FHIP2A: variants seen among roughly 807,000 people sequenced by gnomAD.
The protein encoded by FHIP2A is FHF complex subunit HOOK interacting protein 2A, also known as family with sequence similarity 160 member B1.
FHIP2A carries 46 observed loss-of-function variants against 93.5 expected under a neutral mutation model. The ratio of observed to expected loss-of-function variants is 0.49; its 90% CI spans 0.39 to 0.63. The LOEUF (loss-of-function observed/expected upper bound fraction) is 0.63. Among genes scored for constraint, FHIP2A ranks in the 20% least tolerant of loss-of-function variants. The pLI is 0.00. For missense variants in FHIP2A, 769 were observed against 909.7 expected (o/e 0.85, Z 1.99); for synonymous variants, 332 against 326.5 (o/e 1.02, Z -0.18).
chr10:114,889,070 G>C (rs568328238), intron 16 of FHIP2A, among the ~76,000 whole-genome samples: 1 of 151,968 alleles, frequency 6.6e-6, no homozygotes, highest in South Asian at 2.1e-4. Context: ...AAGTGCTGAG[G>C]CTGGTCTGAA....
At position 114,836,149 on chromosome 10, in the gene FHIP2A, T is replaced by A. The variant is rs1485292997; in HGVS notation, c.425T>A (p.Val142Asp). ...AAATTAATTAGACTCTGTGGTGAAG[T>A]CCTAGCAACACCAACAGAAAATGAA... is the stretch of plus-strand genomic sequence containing the variant. ...VQKLIRLCGEVLATPTENEEI... is the reference protein window; with the variant it reads ...VQKLIRLCGEDLATPTENEEI... The change falls in exon 5 of 17, where the codon GTC (valine) becomes GAC (aspartate). Residue 142 changes from valine (V) to aspartate (D), a missense_variant. Physicochemically the swap from Val to Asp is radical, Grantham distance 152 (BLOSUM62 -3). Coordinates refer to ENST00000369248, the MANE Select transcript of FHIP2A (RefSeq NM_020940.4). The A allele has an allele frequency of 6.2e-7, 1 of 1,600,520 alleles. No individual in the cohort carries two copies. The highest frequency in any genetic ancestry group is 1.7e-5 in the Admixed American group (1 of 59,914).
At chr10:114,870,555 C>G (rs1366980954) in intron 16 of FHIP2A, among the ~76,000 whole-genome samples, 1 of 152,130 alleles carries the variant, frequency 6.6e-6, no homozygotes, top group Non-Finnish European at 1.5e-5. Context: ...CAGCTAGACA[C>G]ATAAAACACT....
intron 5 of FHIP2A, among the ~76,000 whole-genome samples, chr10:114,839,121 T>C (rs2083653248): frequency 6.6e-6 from 1 of 151,800 alleles, no homozygotes; most frequent in African/African-American, 2.4e-5. Context: ...AGACGCAGCG[T>C]TTTGTTTTTG....
Position 114,863,271 on chromosome 10 carries a change from C to T in FHIP2A, c.*1731C>T. 1.0e-6 allele frequency: 1 copy of T among 983,768 alleles called. No homozygotes were observed. Among genetic ancestry groups the T allele is most frequent in the Non-Finnish European group, 1.2e-6 (1 of 828,554 alleles). 60.9% of individuals were successfully genotyped at this position (983,768 alleles called of 1,614,324 possible). On this transcript the variant is annotated 3_prime_UTR_variant, in exon 17 of 17. Transcript: ENST00000369248. Reference sequence around the variant, plus strand: ...GCTGTATTTTTTTAATCACTTCATACAAGGAAAACTTCGACATTTACATTT... The same window carrying T: ...GCTGTATTTTTTTAATCACTTCATATAAGGAAAACTTCGACATTTACATTT...
chr10:114,882,415 CAG>C (rs1335111799), intron 16 of FHIP2A, among the ~76,000 whole-genome samples: 1 of 152,080 alleles, frequency 6.6e-6, no homozygotes. Flanking sequence ...AAAACAGGCT[CAG>C]AGAGAGGAGA....
At chr10:114,827,690 G>T (rs1192590793) in intron 1 of FHIP2A, among the ~76,000 whole-genome samples, 2 of 151,838 alleles carry the variant, frequency 1.3e-5, no homozygotes, top group Non-Finnish European at 2.9e-5. Context: ...CCAGCTACTC[G>T]GGAGGCTGAG....
intron 1 of FHIP2A, among the ~76,000 whole-genome samples, chr10:114,828,345 C>T (rs888144061): frequency 1.4e-4 from 22 of 152,140 alleles, no homozygotes; most frequent in Admixed American, 1.3e-3. Context: ...GTTTCAATTC[C>T]CTTGAAATAC....
At chr10:114,842,905 A>G in intron 5 of FHIP2A, 28 bp from the exon 6 acceptor site, 1 of 1,462,686 alleles carries the variant, frequency 6.8e-7, no homozygotes. Context: ...ATTGATGTGA[A>G]TTTTATAAAA....
Position 114,863,518 on chromosome 10 carries a change from G to C in FHIP2A, c.*1978G>C, listed in dbSNP as rs2286632. 124,334 of 1,172,430 alleles carry C rather than the reference G, an allele frequency of 0.11. 7,099 individuals carry two copies. Among genetic ancestry groups the C allele is most frequent in the East Asian group, 0.22 (3,369 of 15,604 alleles). 72.6% of individuals were successfully genotyped at this position (1,172,430 alleles called of 1,614,324 possible). A position where few individuals can be genotyped will look rare whatever the true frequency, so the allele number is the denominator to read the frequency against. On this transcript the variant is annotated 3_prime_UTR_variant, in exon 17 of 17. Coordinates refer to ENST00000369248, the MANE Select transcript of FHIP2A (RefSeq NM_020940.4). ...CTTTAACTCTTATATTTGTGTATAT[G>C]TATGCTGCTTCTGAAAATATAATTT...
At chr10:114,875,369 AAAG>A (rs1488639828) in intron 16 of FHIP2A, among the ~76,000 whole-genome samples, 1 of 152,132 alleles carries the variant, frequency 6.6e-6, no homozygotes, top group Non-Finnish European at 1.5e-5. Flanking sequence ...GGAAGTGAAG[AAAG>A]AAGAAGCAAG....
At chr10:114,899,365 T>A (rs530918196) in intron 16 of FHIP2A, 1 of 624,038 alleles carries the variant, frequency 1.6e-6, no homozygotes, top group East Asian at 2.8e-5. Flanking sequence ...ATAATATGTA[T>A]TGGTTTACAT....
chr10:114,835,993 G>A (rs904359622), intron 4 of FHIP2A, 131 bp from the exon 5 acceptor site: 4 of 591,124 alleles, frequency 6.8e-6, no homozygotes, highest in Non-Finnish European at 2.8e-6. Flanking sequence ...AATATCATTA[G>A]TGTTCTGATT....
At position 114,833,249 on chromosome 10, in the gene FHIP2A, G is replaced by T. The variant is rs200778412; in HGVS notation, c.141G>T (p.Val47=). Residue 47 remains valine, a synonymous_variant, in exon 3 of 17, where the codon GTG becomes GTT. Transcript: ENST00000369248. The stretch of plus-strand genomic sequence containing the variant: ...ATTGTTTAGATGATAAAGCCCCAGT[G>T]ACCGATACAAATATTCCATCGCATC... ...YIETSDDKAP[V]TDTNIPSHLE... is the part of the protein sequence containing the mutation. 6.2e-7 allele frequency: 1 copy of T among 1,609,730 alleles called. No homozygotes were observed.
chr10:114,830,004 T>C (rs2083598733), intron 1 of FHIP2A, among the ~76,000 whole-genome samples: 1 of 152,212 alleles, frequency 6.6e-6, no homozygotes, highest in Non-Finnish European at 1.5e-5. Context: ...TTGCTAAAAA[T>C]ATGCACTGCC....
chr10:114,881,352 C>T (rs2083916150), intron 16 of FHIP2A, among the ~76,000 whole-genome samples: 1 of 152,100 alleles, frequency 6.6e-6, no homozygotes, highest in Admixed American at 6.5e-5. Flanking sequence ...GGAAAATAAT[C>T]CCAGTTGTTT....
At chr10:114,841,751 T>G (rs375617924) in intron 5 of FHIP2A, among the ~76,000 whole-genome samples, 12 of 152,186 alleles carry the variant, frequency 7.9e-5, no homozygotes, top group East Asian at 3.8e-4. Context: ...ATTAGTATAA[T>G]ATAACTTTGG....
intron 7 of FHIP2A, among the ~76,000 whole-genome samples, chr10:114,844,600 T>G (rs2083689106): frequency 1.3e-5 from 2 of 152,312 alleles, no homozygotes; most frequent in African/African-American, 4.8e-5. Context: ...GTATTGCATT[T>G]TAGGGCAGGA....
chr10:114,862,997 T>C lies in FHIP2A; in HGVS notation c.*1457T>C. ...CATTTTGTTGTGTTAGCTTTTCTGG[T>C]TTATTTCATAGTTTGTTCTTGCTAT... On this transcript the variant is annotated 3_prime_UTR_variant, in exon 17 of 17. Transcript: ENST00000369248. 1 of 985,486 alleles carries C rather than the reference T, an allele frequency of 1.0e-6. No homozygotes were observed. Among genetic ancestry groups the C allele is most frequent in the Non-Finnish European group, 1.2e-6 (1 of 829,934 alleles). The allele number at this position is 985,486 out of a possible 1,614,324, so 61.0% of individuals were successfully genotyped here. A position where few individuals can be genotyped will look rare whatever the true frequency, so the allele number is the denominator to read the frequency against.
At chr10:114,877,333 T>C (rs1223784795) in intron 16 of FHIP2A, among the ~76,000 whole-genome samples, 1 of 152,152 alleles carries the variant, frequency 6.6e-6, no homozygotes, top group Non-Finnish European at 1.5e-5. Flanking sequence ...ATTCAATTAG[T>C]AGGGCAACTG....
Sources: allele counts gnomAD v4.1 joint callset (sites outside exome capture counted in the v4.1 genomes callset), GRCh38; gene constraint gnomAD v4.1.1; transcripts MANE v1.5; gene names NCBI Gene and HGNC (gene_info 2026-07-23, HGNC 2026-07-21).